Variants in ATP2B2 observed in about 807,000 individuals in gnomAD.
ATP2B2 encodes plasma membrane calcium-transporting ATPase 2.
ATP2B2 carries 15 observed loss-of-function variants against 120.0 expected under a neutral mutation model. That is an observed-to-expected ratio of 0.12 (90% CI 0.08 to 0.19). The LOEUF is 0.19. Among genes scored for constraint, ATP2B2 ranks in the 10% least tolerant of loss-of-function variants. The probability of loss-of-function intolerance (pLI) is 1.00; values close to 1 mark genes in which losing one functional copy is unlikely to be tolerated. For synonymous variants in ATP2B2, 694 were observed against 700.3 expected, an observed-to-expected ratio of 0.99 and a Z score of 0.14; for missense variants, 1,045 against 1,719.8, an observed-to-expected ratio of 0.61 and a Z score of 6.94.
chr3:10,391,440 C>G (rs1312650150), intron 5 of ATP2B2, among the ~76,000 whole-genome samples: 1 of 152,206 alleles, frequency 6.6e-6, no homozygotes. Context: ...TCCCCACCTC[C>G]CAACCCAAGA....
intron 12 of ATP2B2, among the ~76,000 whole-genome samples, chr3:10,362,372 G>A (rs990036224): frequency 1.3e-5 from 2 of 152,182 alleles, no homozygotes; most frequent in East Asian, 1.9e-4. Flanking sequence ...GCTAGGGCTC[G>A]GGCCCAAAGA....
intron 2 of ATP2B2, among the ~76,000 whole-genome samples, chr3:10,424,805 A>C (rs1295115092): frequency 6.6e-6 from 1 of 152,238 alleles, no homozygotes; most frequent in Non-Finnish European, 1.5e-5. Flanking sequence ...CAATGTGTAT[A>C]GTTTTATTCC....
At chr3:10,382,558 T>C (rs569312585) in intron 8 of ATP2B2, among the ~76,000 whole-genome samples, 2 of 151,126 alleles carry the variant, frequency 1.3e-5, no homozygotes, top group South Asian at 2.1e-4. Flanking sequence ...AGTTTCACCA[T>C]GTTGCCCAGG....
chr3:10,496,602 T>G (rs971571878), intron 1 of ATP2B2, among the ~76,000 whole-genome samples: 1 of 152,136 alleles, frequency 6.6e-6, no homozygotes, highest in Non-Finnish European at 1.5e-5. Flanking sequence ...CGCTGTCTCA[T>G]GCTTGCTCCT....
chr3:10,577,307 A>G (rs2125554800), intron 2 of ATP2B2, among the ~76,000 whole-genome samples: 2 of 152,298 alleles, frequency 1.3e-5, no homozygotes, highest in Middle Eastern at 6.8e-3. Context: ...CTGGGGTTCC[A>G]GACACTGGCT....
chr3:10,463,114 A>G (rs1048230012), intron 1 of ATP2B2, among the ~76,000 whole-genome samples: 1 of 151,926 alleles, frequency 6.6e-6, no homozygotes, highest in African/African-American at 2.4e-5. Context: ...GTTCTCTCCA[A>G]TTCCTCTGCT....
chr3:10,335,294 C>A (rs879762761), intron 22 of ATP2B2, among the ~76,000 whole-genome samples: 5 of 152,216 alleles, frequency 3.3e-5, no homozygotes, highest in African/African-American at 4.8e-5. Context: ...GGCCAGGGAC[C>A]TTGTCCTTTC....
chr3:10,540,075 T>C (rs2067400835), intron 2 of ATP2B2, among the ~76,000 whole-genome samples: 4 of 151,268 alleles, frequency 2.6e-5, no homozygotes, highest in Admixed American at 6.6e-5. Flanking sequence ...AACAGACATT[T>C]CTCAAAAGAA....
intron 1 of ATP2B2, among the ~76,000 whole-genome samples, chr3:10,464,765 G>A (rs373133158): frequency 1.3e-5 from 2 of 152,220 alleles, no homozygotes; most frequent in African/African-American, 4.8e-5. Flanking sequence ...TTAATGCAGG[G>A]CACAGGGCTC....
At position 10,325,883 on chromosome 3, in the gene ATP2B2, G is replaced by C. The variant is rs749020359; in HGVS notation, c.*2931C>G. 1 of 152,136 alleles carries C rather than the reference G, an allele frequency of 6.6e-6. No individual in the cohort carries two copies. The highest frequency in any genetic ancestry group is 1.5e-5 in the Non-Finnish European group (1 of 68,034). The allele number at this position is 152,136 out of a possible 1,614,324, so 9.4% of individuals were successfully genotyped here. On this transcript the variant is annotated 3_prime_UTR_variant, in exon 23 of 23. Coordinates refer to ENST00000360273, the MANE Select transcript of ATP2B2 (RefSeq NM_001001331.4). ...TTACTCCTGGAGCCCTTGTCTAGAG[G>C]ACAGAAAAGAAGCTATGTGGATGAT...
intron 2 of ATP2B2, among the ~76,000 whole-genome samples, chr3:10,537,542 G>A (rs1166105099): frequency 6.6e-6 from 1 of 151,892 alleles, no homozygotes; most frequent in Non-Finnish European, 1.5e-5. Context: ...CTTGTATCCT[G>A]TAACTTTCCT....
At chr3:10,648,296 T>A (rs1333487308) in intron 1 of ATP2B2, among the ~76,000 whole-genome samples, 9 of 152,176 alleles carry the variant, frequency 5.9e-5, no homozygotes. Flanking sequence ...TTGGCTGCCC[T>A]GACTAACACC....
chr3:10,472,080 C>CAA (rs55895159), intron 1 of ATP2B2, among the ~76,000 whole-genome samples: 41 of 93,466 alleles, frequency 4.4e-4, no homozygotes, highest in Non-Finnish European at 7.1e-4. Flanking sequence ...GACTCCGTCT[C>CAA]AAAAAAAAAA....
chr3:10,630,346 C>T (rs1226935627), intron 1 of ATP2B2, among the ~76,000 whole-genome samples: 1 of 152,160 alleles, frequency 6.6e-6, no homozygotes, highest in African/African-American at 2.4e-5. Flanking sequence ...GTCCCAGTGT[C>T]TGTTGTTCCC....
chr3:10,575,122 G>C (rs576072907), intron 2 of ATP2B2, among the ~76,000 whole-genome samples: 2 of 152,306 alleles, frequency 1.3e-5, no homozygotes, highest in South Asian at 2.1e-4. Context: ...CTTTCCGCCC[G>C]GGGGAGAAAG....
chr3:10,594,099 A>C (rs996592337), intron 2 of ATP2B2, among the ~76,000 whole-genome samples: 1 of 152,226 alleles, frequency 6.6e-6, no homozygotes, highest in African/African-American at 2.4e-5. Flanking sequence ...AGAAATAGGA[A>C]CACTTTTACA....
intron 2 of ATP2B2, among the ~76,000 whole-genome samples, chr3:10,415,608 A>G (rs2062753662): frequency 6.6e-6 from 1 of 152,218 alleles, no homozygotes; most frequent in Admixed American, 6.5e-5. Flanking sequence ...TGCCCTTCCC[A>G]GGAGCTGAAT....
At chr3:10,464,318 C>T (rs959286518) in intron 1 of ATP2B2, among the ~76,000 whole-genome samples, 1 of 152,150 alleles carries the variant, frequency 6.6e-6, no homozygotes, top group Admixed American at 6.5e-5. Flanking sequence ...GGGACAGATG[C>T]GAATGCAGCC....
At chr3:10,564,904 C>T (rs736313) in intron 2 of ATP2B2, among the ~76,000 whole-genome samples, 47,222 of 152,124 alleles carry the variant, frequency 0.31, 7,708 homozygotes, top group South Asian at 0.42. Context: ...TCTGGGTACA[C>T]GGCTGCTTAG....
Sources: allele counts gnomAD v4.1 joint callset (sites outside exome capture counted in the v4.1 genomes callset), GRCh38; gene constraint gnomAD v4.1.1; transcripts MANE v1.5; gene names NCBI Gene and HGNC (gene_info 2026-07-23, HGNC 2026-07-21).